ZMYND8: variants seen among roughly 807,000 people sequenced by gnomAD.
ZMYND8 encodes the protein zinc finger MYND-type containing 8.
ZMYND8 carries 37 observed loss-of-function variants against 140.8 expected under a neutral mutation model. That is an observed-to-expected ratio of 0.26 (90% CI 0.20 to 0.35). ZMYND8 has a LOEUF of 0.35. ZMYND8 is among the 10% of genes least tolerant of loss of function. The pLI, the probability that ZMYND8 is intolerant of heterozygous loss-of-function variation, is 1.00. For missense variants in ZMYND8, 1,068 were observed against 1,570.0 expected (o/e 0.68, Z 5.40); for synonymous variants, 592 against 597.1 (o/e 0.99, Z 0.12).
At chr20:47,240,709 C>G (rs1165277965) in intron 14 of ZMYND8, among the ~76,000 whole-genome samples, 2 of 151,128 alleles carry the variant, frequency 1.3e-5, no homozygotes, top group Non-Finnish European at 2.9e-5. Flanking sequence ...CGCCTGCCAC[C>G]GCACCCAGCT....
At chr20:47,246,588 T>A in intron 13 of ZMYND8, 71 bp from the exon 14 acceptor site, 4 of 1,503,608 alleles carry the variant, frequency 2.7e-6, no homozygotes, top group Non-Finnish European at 2.6e-6. Flanking sequence ...AATGCAAACA[T>A]TTTTCCACAC....
intron 12 of ZMYND8, among the ~76,000 whole-genome samples, chr20:47,254,564 C>A (rs995433900): frequency 6.6e-6 from 1 of 152,152 alleles, no homozygotes; most frequent in Admixed American, 6.5e-5. Flanking sequence ...ATATGAAAAG[C>A]CAACCTGTTT....
chr20:47,247,907 T>C (rs2040760404), intron 13 of ZMYND8, among the ~76,000 whole-genome samples: 1 of 151,614 alleles, frequency 6.6e-6, no homozygotes, highest in Admixed American at 6.6e-5. Context: ...AACCCAGGAG[T>C]TCAAGGCTAG....
chr20:47,254,382 A>G (rs1347226767), intron 12 of ZMYND8, among the ~76,000 whole-genome samples: 1 of 152,174 alleles, frequency 6.6e-6, no homozygotes, highest in Non-Finnish European at 1.5e-5. Context: ...TATCCTATGG[A>G]TTACCCTCCC....
chr20:47,257,433 T>C (rs1475082588), intron 12 of ZMYND8, among the ~76,000 whole-genome samples: 1 of 151,734 alleles, frequency 6.6e-6, no homozygotes, highest in Non-Finnish European at 1.5e-5. Context: ...CACACACAAA[T>C]ATATACCCAT....
intron 22 of ZMYND8, 66 bp downstream of exon 22, chr20:47,212,576 C>T: frequency 1.9e-6 from 3 of 1,560,944 alleles, no homozygotes; most frequent in Non-Finnish European, 1.8e-6. Flanking sequence ...CGGACACACA[C>T]AGAACAAGCC....
intron 11 of ZMYND8, 120 bp downstream of exon 11, chr20:47,276,194 G>A (rs2076245528): frequency 2.3e-6 from 3 of 1,308,640 alleles, no homozygotes; most frequent in Non-Finnish European, 3.0e-6. Flanking sequence ...TCTGCTCTGT[G>A]GCCCCCTACA....
intron 3 of ZMYND8, among the ~76,000 whole-genome samples, chr20:47,305,258 T>A (rs1316630154): frequency 2.0e-5 from 3 of 151,302 alleles, no homozygotes; most frequent in Non-Finnish European, 4.4e-5. Flanking sequence ...TTTTTTTTCT[T>A]TTTTCTGAGA....
At chr20:47,317,280 CCAA>C (rs1226197303) in intron 2 of ZMYND8, among the ~76,000 whole-genome samples, 17 of 152,312 alleles carry the variant, frequency 1.1e-4, no homozygotes, top group African/African-American at 2.6e-4. Flanking sequence ...CTCCCAATTT[CCAA>C]ACAGTGGCAT....
At chr20:47,211,029 C>T in intron 22 of ZMYND8, 132 bp from the exon 23 acceptor site, 2 of 1,222,574 alleles carry the variant, frequency 1.6e-6, no homozygotes, top group Non-Finnish European at 2.3e-6. Flanking sequence ...AACACTGCCA[C>T]CGCTGACTGC....
chr20:47,262,499 G>C, intron 11 of ZMYND8, 71 bp from the exon 12 acceptor site: 2 of 1,566,052 alleles, frequency 1.3e-6, no homozygotes, highest in South Asian at 2.3e-5. Flanking sequence ...TGTGGTGTAG[G>C]GAGAGAATGG....
chr20:47,269,889 G>C (rs1458278969), intron 11 of ZMYND8, among the ~76,000 whole-genome samples: 1 of 152,216 alleles, frequency 6.6e-6, no homozygotes, highest in African/African-American at 2.4e-5. Flanking sequence ...GATGGGTCAG[G>C]ATGTGTTGGT....
intron 16 of ZMYND8, 113 bp downstream of exon 16, chr20:47,236,213 T>A (rs1020601304): frequency 7.7e-7 from 1 of 1,290,604 alleles, no homozygotes; most frequent in Non-Finnish European, 1.1e-6. Flanking sequence ...AAAAGGGTCT[T>A]CACTCCCTAA....
intron 21 of ZMYND8, 123 bp from the exon 22 acceptor site, chr20:47,212,848 T>C (rs2035484943): frequency 1.2e-6 from 1 of 807,534 alleles, no homozygotes; most frequent in Non-Finnish European, 1.9e-6. Flanking sequence ...GGCACCTTCA[T>C]TCATGTCACC....
At chr20:47,318,024 C>T (rs2079555783) in intron 2 of ZMYND8, among the ~76,000 whole-genome samples, 1 of 152,060 alleles carries the variant, frequency 6.6e-6, no homozygotes, top group African/African-American at 2.4e-5. Flanking sequence ...AATCACTCTT[C>T]CTCCTTTTCT....
chr20:47,336,247 T>C (rs541016565), intron 2 of ZMYND8, among the ~76,000 whole-genome samples: 79 of 152,286 alleles, frequency 5.2e-4, no homozygotes, highest in South Asian at 1.2e-3. Context: ...ATTGCTATAA[T>C]TGTACATTCT....
rs148198739 is a variant in ZMYND8 at position 47,262,340 on chromosome 20, C to T, written c.1569G>A (p.Thr523=). 37 of 1,613,606 alleles carry T rather than the reference C, an allele frequency of 2.3e-5. No homozygotes were observed. The highest frequency in any genetic ancestry group is 1.7e-4 in the African/African-American group (13 of 74,764). The change falls in exon 12 of 23, where the codon ACG becomes ACA. Residue 523 remains threonine, a synonymous_variant. Coordinates refer to ENST00000471951, the MANE Select transcript of ZMYND8 (RefSeq NM_001281775.3). ...TGGTGGAGGTTTTGTCCGTTTTCGT[C>T]GTGATAGGAGCTGACAGTTGAGGAG... ...PFSPQLSAPI[T]TKTDKTSTTG... is the part of the protein sequence containing the mutation.
intron 2 of ZMYND8, among the ~76,000 whole-genome samples, chr20:47,323,686 A>C (rs934017033): frequency 5.9e-5 from 9 of 152,174 alleles, no homozygotes; most frequent in African/African-American, 2.2e-4. Flanking sequence ...AACTTCCTTG[A>C]AAATCAAAGC....
intron 2 of ZMYND8, among the ~76,000 whole-genome samples, chr20:47,321,409 G>A (rs898449085): frequency 6.6e-6 from 1 of 152,212 alleles, no homozygotes; most frequent in Non-Finnish European, 1.5e-5. Flanking sequence ...GCATCTACTG[G>A]GTAGAGGTGA....
Sources: allele counts gnomAD v4.1 joint callset (sites outside exome capture counted in the v4.1 genomes callset), GRCh38; gene constraint gnomAD v4.1.1; transcripts MANE v1.5; gene names NCBI Gene and HGNC (gene_info 2026-07-23, HGNC 2026-07-21).